Variants in CRACDL observed in about 807,000 individuals in gnomAD.
CRACDL encodes the protein CRACD like.
A neutral mutation model predicts 70.6 loss-of-function variants in CRACDL; 26 were observed. That is an observed-to-expected ratio of 0.37 (90% CI 0.27 to 0.51). CRACDL has a LOEUF of 0.51. Ranked by LOEUF, CRACDL falls within the 20% of genes least tolerant of loss-of-function variation. The pLI is 0.94. For missense variants in CRACDL, 1,283 were observed against 1,376.9 expected, an observed-to-expected ratio of 0.93 and a Z score of 1.08; for synonymous variants, 618 against 615.2, an observed-to-expected ratio of 1.00 and a Z score of -0.07.
At chr2:98,843,895 G>C (rs1706137780) in intron 2 of CRACDL, among the ~76,000 whole-genome samples, 1 of 152,026 alleles carries the variant, frequency 6.6e-6, no homozygotes, top group Non-Finnish European at 1.5e-5. Flanking sequence ...TCTGCAAAAA[G>C]TTTTGCTGGG....
intron 1 of CRACDL, among the ~76,000 whole-genome samples, chr2:98,933,393 C>T (rs974866897): frequency 2.0e-5 from 3 of 152,096 alleles, no homozygotes; most frequent in South Asian, 2.1e-4. Flanking sequence ...CCACCAGGGA[C>T]GAAGCTACCT....
rs34018227 is a variant in CRACDL, at chr2:98,855,542, C to CA, written c.-10-8733dup. The stretch of plus-strand genomic sequence containing the variant: ...AATAAAAAGTTATACAAAAGTTATC[C>CA]AAAAAAAAGGGAAGCAGTAATTTCA... On this transcript the variant is annotated intron_variant, in intron 1 of 9. Coordinates refer to ENST00000397899, the MANE Select transcript of CRACDL (RefSeq NM_207362.3). Among the ~76,000 whole-genome samples, 9 of 150,738 alleles carry CA rather than the reference C, an allele frequency of 6.0e-5. No homozygotes were observed. The East Asian group carries it at 1.8e-3, about 29-fold the overall frequency.
chr2:98,905,228 T>C (rs552484669), intron 1 of CRACDL, among the ~76,000 whole-genome samples: 23 of 135,814 alleles, frequency 1.7e-4, no homozygotes, highest in Admixed American at 7.6e-5. Flanking sequence ...CCAGCCTGGG[T>C]GACAGAGCCA....
chr2:98,918,430 G>A lies in CRACDL; in HGVS notation c.-11+17508C>T, dbSNP rs183996795. 2.0e-3 allele frequency among the ~76,000 whole-genome samples: 304 copies of A among 151,508 alleles called. 4 individuals carry two copies. The highest frequency in any genetic ancestry group is 6.3e-4 in the Non-Finnish European group (43 of 67,908). On this transcript the variant is annotated intron_variant, in intron 1 of 9. Transcript: ENST00000397899. ...TGTCTGTAATCCCGGCTTCTTGGGA[G>A]GCTGAGGCCCAGGCTGAGAATTGTT... is the stretch of plus-strand genomic sequence containing the variant.
intron 7 of CRACDL, among the ~76,000 whole-genome samples, chr2:98,806,712 C>T (rs141430396): frequency 2.6e-5 from 4 of 152,236 alleles, no homozygotes; most frequent in African/African-American, 9.6e-5. Flanking sequence ...GGGAAAGGCA[C>T]TGTTATTTAA....
chr2:98,802,447 T>C (rs1485128075), intron 7 of CRACDL, among the ~76,000 whole-genome samples: 1 of 152,204 alleles, frequency 6.6e-6, no homozygotes, highest in Non-Finnish European at 1.5e-5. Flanking sequence ...TGACAAAGTT[T>C]TCAGACCCAC....
chr2:98,832,925 G>T lies in CRACDL; in HGVS notation c.312C>A (p.Asp104Glu), dbSNP rs746340837. The change falls in exon 4 of 10, where the codon GAC becomes GAA. Residue 104 changes from aspartate to glutamate, a missense_variant. Physicochemically the swap from Asp to Glu is conservative, Grantham distance 45. Coordinates refer to ENST00000397899, the MANE Select transcript of CRACDL (RefSeq NM_207362.3). ...AAAACACCCGCACAGGCCGAGTAGC[G>T]TCCTGTCCGGACTCAGGAATGAAAA... The part of the protein sequence containing the change: ...DSIFIPESGQ[D>E]ATRPVRVFSQ... 6.2e-7 allele frequency: 1 copy of T among 1,614,090 alleles called. No homozygotes were observed. The highest frequency in any genetic ancestry group is 2.2e-5 in the East Asian group (1 of 44,872).
intron 1 of CRACDL, among the ~76,000 whole-genome samples, chr2:98,926,422 C>T (rs963370271): frequency 6.6e-6 from 1 of 152,100 alleles, no homozygotes; most frequent in African/African-American, 2.4e-5. Context: ...TGGGAGCTTG[C>T]AGGGTGGGGA....
At chr2:98,873,687 T>C (rs1053393014) in intron 1 of CRACDL, among the ~76,000 whole-genome samples, 3 of 152,244 alleles carry the variant, frequency 2.0e-5, no homozygotes, top group Admixed American at 6.5e-5. Context: ...TCACGGAATA[T>C]TTTGAACATC....
intron 1 of CRACDL, among the ~76,000 whole-genome samples, chr2:98,857,995 T>C (rs1413048833): frequency 1.3e-5 from 2 of 152,172 alleles, no homozygotes; most frequent in African/African-American, 4.8e-5. Context: ...AGAATCAAAT[T>C]AGAAATCAAA....
intron 1 of CRACDL, among the ~76,000 whole-genome samples, chr2:98,924,539 T>G (rs1404136964): frequency 6.6e-6 from 1 of 152,222 alleles, no homozygotes; most frequent in African/African-American, 2.4e-5. Flanking sequence ...CAGCTTTTAT[T>G]CTCACAGACA....
intron 1 of CRACDL, among the ~76,000 whole-genome samples, chr2:98,875,680 G>C (rs986765164): frequency 2.6e-5 from 4 of 152,218 alleles, no homozygotes; most frequent in Admixed American, 2.6e-4. Context: ...ATTCAACACA[G>C]GGGCATCATG....
intron 1 of CRACDL, among the ~76,000 whole-genome samples, chr2:98,886,099 C>A (rs1324969928): frequency 6.6e-6 from 1 of 152,210 alleles, no homozygotes; most frequent in Admixed American, 6.5e-5. Context: ...TGACAACCAA[C>A]AGCTTCCTAA....
At chr2:98,913,567 GA>G (rs1479022566) in intron 1 of CRACDL, among the ~76,000 whole-genome samples, 2 of 152,154 alleles carry the variant, frequency 1.3e-5, no homozygotes, top group Non-Finnish European at 2.9e-5. Context: ...GGAGGAGATA[GA>G]TTGGAGGGTG....
rs1329155422 is a variant in CRACDL at position 98,797,375 on chromosome 2, T to A, written c.2579A>T (p.Gln860Leu). ...ARTLKSEPGK[Q>L]AKVPERGQEP... ...CTGGCCTCTCTCGGGCACCTTGGCT[T>A]GCTTTCCTGGTTCAGACTTCAGGGT... Residue 860 changes from glutamine to leucine, a missense_variant, in exon 8 of 10, where the codon CAA (glutamine) becomes CTA (leucine). Coordinates refer to ENST00000397899, the MANE Select transcript of CRACDL (RefSeq NM_207362.3). The A allele has an allele frequency of 6.2e-7, 1 of 1,614,206 alleles. No homozygotes were observed. Among genetic ancestry groups the A allele is most frequent in the Non-Finnish European group, 8.5e-7 (1 of 1,180,034 alleles).
chr2:98,929,313 C>T (rs1187652715), intron 1 of CRACDL, among the ~76,000 whole-genome samples: 2 of 152,172 alleles, frequency 1.3e-5, no homozygotes, highest in Admixed American at 6.5e-5. Context: ...CGGTCTGGGC[C>T]GATGCCCTTG....
chr2:98,889,109 A>G, intron 1 of CRACDL, among the ~76,000 whole-genome samples: 1 of 149,774 alleles, frequency 6.7e-6, no homozygotes, highest in Non-Finnish European at 1.5e-5. Context: ...GCCTGGCAAC[A>G]CAGCAAGACT....
intron 1 of CRACDL, among the ~76,000 whole-genome samples, chr2:98,921,538 C>G (rs1408715317): frequency 5.3e-5 from 8 of 152,260 alleles, no homozygotes; most frequent in Non-Finnish European, 1.2e-4. Context: ...AAATGTAAGT[C>G]TCATCCCCGA....
intron 1 of CRACDL, among the ~76,000 whole-genome samples, chr2:98,869,993 G>A (rs1707286549): frequency 6.6e-6 from 1 of 152,110 alleles, no homozygotes; most frequent in Admixed American, 6.5e-5. Flanking sequence ...CACCCACTGA[G>A]CCTGCCCAGC....
Sources: gnomAD v4.1 joint callset for allele counts (sites outside exome capture counted in the v4.1 genomes callset) on GRCh38, gnomAD v4.1.1 for gene constraint, MANE v1.5 for transcripts, NCBI Gene and HGNC (gene_info 2026-07-23, HGNC 2026-07-21) for gene names.